Variants in NPSR1 observed in about 807,000 individuals in gnomAD.
The protein encoded by NPSR1 is neuropeptide S receptor.
NPSR1 carries 48 observed loss-of-function variants against 46.9 expected under a neutral mutation model. The ratio of observed to expected loss-of-function variants is 1.02; its 90% CI spans 0.81 to 1.30. The LOEUF (loss-of-function observed/expected upper bound fraction) is 1.30, where lower values mean the gene tolerates loss of function less well. NPSR1 is among the 50% of genes most tolerant of loss of function. The pLI, the probability that NPSR1 is intolerant of heterozygous loss-of-function variation, is 0.00. For synonymous variants in NPSR1, 176 were observed against 168.1 expected (o/e 1.05, Z -0.36); for missense variants, 450 against 449.5 (o/e 1.00, Z -0.01).
At position 34,711,092 on chromosome 7, in the gene NPSR1, C is replaced by T. The variant is rs34545424; in HGVS notation, c.280+26408C>T. ...GGTCCAAAAGGTGTTGTAGCTTCTT[C>T]GCCTTTGTCAGATCTTCAATGGAAG... On this transcript the variant is annotated intron_variant, in intron 2 of 8. Transcript: ENST00000360581. 4.1e-3 allele frequency: 1,269 copies of T among 306,504 alleles called. 18 individuals are homozygous for T. Among genetic ancestry groups the T allele is most frequent in the African/African-American group, 0.025 (1,154 of 45,376 alleles). 19.0% of individuals were successfully genotyped at this position (306,504 alleles called of 1,614,324 possible).
Position 34,849,793 on chromosome 7 carries a change from T to C in NPSR1, c.*138T>C. Reference sequence around the variant, plus strand: ...ACCTGGGAGATGCACAAGACAAATGTTCTAATGACTGCATGCACTGCTTAA... The same window carrying C: ...ACCTGGGAGATGCACAAGACAAATGCTCTAATGACTGCATGCACTGCTTAA... On this transcript the variant is annotated 3_prime_UTR_variant, in exon 9 of 9. Coordinates refer to ENST00000360581, the MANE Select transcript of NPSR1 (RefSeq NM_207172.2). The C allele has an allele frequency of 6.8e-7, 1 of 1,479,822 alleles. No individual in the cohort carries two copies. Among genetic ancestry groups the C allele is most frequent in the Non-Finnish European group, 8.9e-7 (1 of 1,117,982 alleles). The allele number at this position is 1,479,822 out of a possible 1,614,324, so 91.7% of individuals were successfully genotyped here.
At chr7:34,719,248 A>C (rs1783729442) in intron 2 of NPSR1, 1 of 152,384 alleles carries the variant, frequency 6.6e-6, no homozygotes, top group Admixed American at 6.5e-5. Context: ...TTATCAAAGC[A>C]ACCCAAGGGA....
chr7:34,810,722 A>C (rs572383500), intron 3 of NPSR1, among the ~76,000 whole-genome samples: 1 of 152,374 alleles, frequency 6.6e-6, no homozygotes, highest in East Asian at 1.9e-4. Flanking sequence ...ATTCCAAACA[A>C]ATGTACCATG....
intron 2 of NPSR1, among the ~76,000 whole-genome samples, chr7:34,776,320 G>A (rs1040615033): frequency 1.3e-5 from 2 of 152,104 alleles, no homozygotes; most frequent in Non-Finnish European, 2.9e-5. Context: ...AGCTATTATT[G>A]TATGGGGTCT....
At chr7:34,788,262 G>C (rs59406999) in intron 3 of NPSR1, among the ~76,000 whole-genome samples, 10,396 of 151,450 alleles carry the variant, frequency 0.069, 1,025 homozygotes, top group African/African-American at 0.22. Context: ...ACCTGTAGTA[G>C]ATACATGAAA....
chr7:34,813,629 G>A (rs560062749), intron 4 of NPSR1, among the ~76,000 whole-genome samples: 5 of 152,258 alleles, frequency 3.3e-5, no homozygotes, highest in African/African-American at 1.2e-4. Flanking sequence ...TAGATATTGT[G>A]TACAGAAAGA....
At chr7:34,819,120 G>C (rs1464679534) in intron 4 of NPSR1, among the ~76,000 whole-genome samples, 2 of 152,152 alleles carry the variant, frequency 1.3e-5, no homozygotes, top group African/African-American at 4.8e-5. Flanking sequence ...ACTACCATCA[G>C]AGTGAATGGG....
intron 2 of NPSR1, chr7:34,768,194 G>A (rs901689008): frequency 6.6e-6 from 1 of 152,076 alleles, no homozygotes; most frequent in Non-Finnish European, 1.5e-5. Context: ...CTTATCTGAA[G>A]CAATTAAAGC....
intron 2 of NPSR1, chr7:34,750,892 T>G (rs1380833258): frequency 5.6e-6 from 4 of 714,834 alleles, no homozygotes; most frequent in Non-Finnish European, 1.1e-5. Context: ...TGCTTCATAA[T>G]GGTGTGAAAA....
At chr7:34,674,971 A>G (rs575361886) in intron 1 of NPSR1, among the ~76,000 whole-genome samples, 9 of 152,334 alleles carry the variant, frequency 5.9e-5, no homozygotes, top group Non-Finnish European at 1.3e-4. Context: ...AACTTTCACT[A>G]TCTTAAACCA....
At chr7:34,862,861 G>A (rs1791220680) in intron 8 of NPSR1, among the ~76,000 whole-genome samples, 2 of 151,634 alleles carry the variant, frequency 1.3e-5, no homozygotes, top group Non-Finnish European at 2.9e-5. Context: ...AAACTATCTA[G>A]TTTGGGTGAT....
chr7:34,727,202 G>T (rs113731188), intron 2 of NPSR1, among the ~76,000 whole-genome samples: 3,288 of 152,112 alleles, frequency 0.022, 44 homozygotes, highest in Non-Finnish European at 0.034. Context: ...TTTTTTTAAT[G>T]ATGCATATTT....
At chr7:34,857,928 C>CA (rs1204571681) in intron 8 of NPSR1, among the ~76,000 whole-genome samples, 21 of 151,084 alleles carry the variant, frequency 1.4e-4, no homozygotes, top group Admixed American at 1.4e-3. Context: ...TCCAAATGGA[C>CA]AAAAAACTAT....
downstream of NPSR1, among the ~76,000 whole-genome samples, chr7:34,854,763 C>T (rs1455967743): frequency 1.3e-5 from 2 of 152,068 alleles, no homozygotes; most frequent in Non-Finnish European, 2.9e-5. Context: ...AGACAAAAAT[C>T]AGGAATGATC....
chr7:34,838,934 C>G (rs550966884), intron 6 of NPSR1, among the ~76,000 whole-genome samples: 1 of 152,286 alleles, frequency 6.6e-6, no homozygotes, highest in African/African-American at 2.4e-5. Flanking sequence ...CTATGTCTAG[C>G]TATCATGGCT....
chr7:34,682,969 C>G (rs960020953), intron 1 of NPSR1, among the ~76,000 whole-genome samples: 3 of 152,136 alleles, frequency 2.0e-5, no homozygotes, highest in Non-Finnish European at 4.4e-5. Context: ...TCCTCCCACT[C>G]TAGTTGTACA....
At chr7:34,752,026 G>T (rs573856026) in intron 2 of NPSR1, 1 of 747,046 alleles carries the variant, frequency 1.3e-6, no homozygotes, top group African/African-American at 1.7e-5. Context: ...TGGGCCAGCC[G>T]GTAGTCCTGT....
chr7:34,790,938 T>G (rs1353757777), intron 3 of NPSR1, among the ~76,000 whole-genome samples: 4 of 128,290 alleles, frequency 3.1e-5, no homozygotes, highest in Admixed American at 3.1e-4. Flanking sequence ...TATGTTATAT[T>G]ATATATCATA....
intron 6 of NPSR1, among the ~76,000 whole-genome samples, chr7:34,836,995 A>C (rs1790399736): frequency 6.6e-6 from 1 of 152,216 alleles, no homozygotes; most frequent in Non-Finnish European, 1.5e-5. Flanking sequence ...AGATATGTGC[A>C]CATATTTTTA....
Sources: allele counts gnomAD v4.1 joint callset (sites outside exome capture counted in the v4.1 genomes callset), GRCh38; gene constraint gnomAD v4.1.1; transcripts MANE v1.5; gene names NCBI Gene and HGNC (gene_info 2026-07-23, HGNC 2026-07-21).